PHIP: variants seen among roughly 807,000 people sequenced by gnomAD.
The protein encoded by PHIP is PHIP subunit of CUL4-Ring ligase complex, also known as PH-interacting protein.
Under a neutral mutation model 236.8 loss-of-function variants are expected in PHIP, and 54 were observed. The ratio of observed to expected loss-of-function variants is 0.23; its 90% CI spans 0.18 to 0.29. PHIP has a LOEUF of 0.29. Ranked by LOEUF, PHIP falls within the 10% of genes least tolerant of loss-of-function variation. The pLI, the probability that PHIP is intolerant of heterozygous loss-of-function variation, is 1.00. For missense variants in PHIP, 1,370 were observed against 2,190.8 expected (o/e 0.63, Z 7.48); for synonymous variants, 756 against 718.9 (o/e 1.05, Z -0.83).
intron 7 of PHIP, among the ~76,000 whole-genome samples, chr6:79,027,628 A>G (rs1771472633): frequency 3.3e-5 from 5 of 152,216 alleles, no homozygotes; most frequent in Admixed American, 2.6e-4. Flanking sequence ...TGTAAATGTG[A>G]TAACGTCCTA....
Position 78,937,198 on chromosome 6 carries a change from C to T in PHIP, c.*3495G>A, listed in dbSNP as rs879858579. 6.6e-6 allele frequency: 1 copy of T among 151,500 alleles called. No individual in the cohort carries two copies. The highest frequency in any genetic ancestry group is 2.4e-5 in the African/African-American group (1 of 41,340). 9.4% of individuals were successfully genotyped at this position (151,500 alleles called of 1,614,324 possible). ...GTAACAAAAACATTCAGAATATATC[C>T]GTTTTCATTAGATAGAAAACTGAAA... On this transcript the variant is annotated 3_prime_UTR_variant, in exon 40 of 40. Transcript: ENST00000275034.
At chr6:78,962,791 T>C (rs563937969) in intron 30 of PHIP, among the ~76,000 whole-genome samples, 1 of 152,308 alleles carries the variant, frequency 6.6e-6, no homozygotes, top group Non-Finnish European at 1.5e-5. Flanking sequence ...CCAATTCATA[T>C]CATGTCAGCC....
At chr6:79,045,531 A>C (rs1316868861) in intron 6 of PHIP, among the ~76,000 whole-genome samples, 2 of 152,144 alleles carry the variant, frequency 1.3e-5, no homozygotes, top group Non-Finnish European at 2.9e-5. Flanking sequence ...AAATTAAAAA[A>C]GTATATAAGT....
intron 6 of PHIP, 80 bp downstream of exon 6, chr6:79,060,398 A>C: frequency 1.1e-6 from 1 of 887,190 alleles, no homozygotes; most frequent in Non-Finnish European, 1.8e-6. Context: ...CTCTAATACC[A>C]CAGTAACTAA....
At chr6:79,064,343 C>T (rs1773519773) in intron 4 of PHIP, among the ~76,000 whole-genome samples, 1 of 152,104 alleles carries the variant, frequency 6.6e-6, no homozygotes, top group South Asian at 2.1e-4. Flanking sequence ...TCCAACACCT[C>T]CCCACCCAAA....
chr6:79,054,273 T>C (rs1211763513), intron 6 of PHIP, among the ~76,000 whole-genome samples: 1 of 150,858 alleles, frequency 6.6e-6, no homozygotes, highest in Non-Finnish European at 1.5e-5. Flanking sequence ...ATGAAGATCA[T>C]TCAGGGAAAA....
rs1034872371 is a variant in PHIP at position 78,937,081 on chromosome 6, T to A, written c.*3612A>T. 6.6e-6 allele frequency: 1 copy of A among 151,772 alleles called. No individual in the cohort carries two copies. Among genetic ancestry groups the A allele is most frequent in the African/African-American group, 2.4e-5 (1 of 41,412 alleles). The allele number at this position is 151,772 out of a possible 1,614,324, so 9.4% of individuals were successfully genotyped here. On this transcript the variant is annotated 3_prime_UTR_variant, in exon 40 of 40. Coordinates refer to ENST00000275034, the MANE Select transcript of PHIP (RefSeq NM_017934.7). The stretch of plus-strand genomic sequence containing the variant: ...ACTTCCCCTATTATGACTTTTAAAA[T>A]CATGTAACTCCTGCATATAAGCAGA...
At chr6:79,015,832 C>G in intron 13 of PHIP, 49 bp from the exon 14 acceptor site, 1 of 1,275,854 alleles carries the variant, frequency 7.8e-7, no homozygotes, top group Non-Finnish European at 1.1e-6. Flanking sequence ...ACTGACACAA[C>G]AAAAACCAAA....
intron 23 of PHIP, among the ~76,000 whole-genome samples, chr6:78,979,652 A>G (rs553843401): frequency 1.2e-4 from 18 of 152,226 alleles, no homozygotes; most frequent in Middle Eastern, 3.4e-3. Context: ...AAAAAAATGA[A>G]CTTTCTAAGA....
intron 8 of PHIP, 44 bp downstream of exon 8, chr6:79,025,899 T>TAAC (rs199694542): frequency 1.5e-4 from 204 of 1,340,810 alleles, no homozygotes; most frequent in African/African-American, 2.3e-4. Flanking sequence ...CTTTACATTA[T>TAAC]AACAACAACA....
intron 7 of PHIP, among the ~76,000 whole-genome samples, chr6:79,035,574 CTACTGT>C (rs1368435890): frequency 6.6e-6 from 1 of 152,038 alleles, no homozygotes; most frequent in Non-Finnish European, 1.5e-5. Flanking sequence ...CCTTGAAAAC[CTACTGT>C]TATCTGGCAG....
chr6:79,054,788 C>G (rs1772990898), intron 6 of PHIP, among the ~76,000 whole-genome samples: 1 of 151,678 alleles, frequency 6.6e-6, no homozygotes, highest in Non-Finnish European at 1.5e-5. Flanking sequence ...AATTCAAACA[C>G]AATATTGGAA....
At position 78,941,071 on chromosome 6, in the gene PHIP, A is replaced by G; in HGVS notation, c.5088T>C (p.Ser1696=). The change falls in exon 40 of 40, where the codon TCT becomes TCC. Residue 1696 remains serine (S), a synonymous_variant. Coordinates refer to ENST00000275034, the MANE Select transcript of PHIP (RefSeq NM_017934.7). Reference sequence around the variant, plus strand: ...AATCTTCCTTTACATTATTAGTTTCAGAAAGAAAATTGCATGTTGAAGAAG... The same window carrying G: ...AATCTTCCTTTACATTATTAGTTTCGGAAAGAAAATTGCATGTTGAAGAAG... The part of the protein sequence containing the change: ...VLPSSTCNFL[S]ETNNVKEDLL... 1 of 1,614,066 alleles carries G rather than the reference A, an allele frequency of 6.2e-7. No individual in the cohort carries two copies. The highest frequency in any genetic ancestry group is 2.2e-5 in the East Asian group (1 of 44,862).
intron 4 of PHIP, among the ~76,000 whole-genome samples, chr6:79,066,346 A>C (rs926158204): frequency 2.6e-5 from 4 of 152,196 alleles, no homozygotes; most frequent in African/African-American, 9.7e-5. Flanking sequence ...CATAACTCTG[A>C]GAGGTATATA....
intron 4 of PHIP, among the ~76,000 whole-genome samples, chr6:79,075,571 C>G (rs544869915): frequency 2.1e-5 from 3 of 140,498 alleles, no homozygotes; most frequent in Non-Finnish European, 3.1e-5. Flanking sequence ...AATAATTCCT[C>G]CCCCCACCCT....
chr6:79,070,090 T>C (rs902034384), intron 4 of PHIP, among the ~76,000 whole-genome samples: 1 of 152,124 alleles, frequency 6.6e-6, no homozygotes, highest in Non-Finnish European at 1.5e-5. Context: ...GAGGTTTCCA[T>C]AAACCAAAGT....
At chr6:78,993,204 T>G (rs940408182) in intron 19 of PHIP, among the ~76,000 whole-genome samples, 1 of 152,198 alleles carries the variant, frequency 6.6e-6, no homozygotes, top group Non-Finnish European at 1.5e-5. Flanking sequence ...AGAAGAAAAG[T>G]TGGAAGCTAG....
At chr6:79,073,918 A>C (rs1258476125) in intron 4 of PHIP, among the ~76,000 whole-genome samples, 1 of 152,210 alleles carries the variant, frequency 6.6e-6, no homozygotes, top group Non-Finnish European at 1.5e-5. Flanking sequence ...CTAAGAATGA[A>C]ATAAAGCTTA....
chr6:78,940,962 C>T lies in PHIP; in HGVS notation c.5197G>A (p.Ala1733Thr). 2 of 1,614,010 alleles carry T rather than the reference C, an allele frequency of 1.2e-6. No individual in the cohort carries two copies. Among genetic ancestry groups the T allele is most frequent in the Non-Finnish European group, 1.7e-6 (2 of 1,179,928 alleles). ...QKLDADLLVPASVKVLRRSNR... is the reference protein window; with the variant it reads ...QKLDADLLVPTSVKVLRRSNR... ...CTTCTCCTTAACACTTTGACACTTG[C>T]AGGGACTAGGAGATCTGCATCTAAT... The change falls in exon 40 of 40, where the codon GCA becomes ACA. Residue 1733 changes from alanine to threonine, a missense_variant. Ala to Thr is a moderately conservative substitution (Grantham distance 58). This residue lies in a region of PHIP where 309 missense variants were observed against 328.3 expected (regional missense o/e 0.94). Coordinates refer to ENST00000275034, the MANE Select transcript of PHIP (RefSeq NM_017934.7).
Sources: gnomAD v4.1 joint callset for allele counts (sites outside exome capture counted in the v4.1 genomes callset) on GRCh38, gnomAD v4.1.1 for gene constraint, gnomAD v4.1.1 regional missense constraint, MANE v1.5 for transcripts, NCBI Gene and HGNC (gene_info 2026-07-23, HGNC 2026-07-21) for gene names.